The following TTN variants were observed in gnomAD, a reference collection of about 807,000 sequenced individuals.
TTN encodes titin.
A neutral mutation model predicts 3,223.0 loss-of-function variants in TTN; 1,525 were observed. The observed-to-expected ratio is 0.47, with a 90% CI of 0.45 to 0.49. The LOEUF (loss-of-function observed/expected upper bound fraction) is 0.49, where lower values mean the gene tolerates loss of function less well. Among genes scored for constraint, TTN ranks in the 20% least tolerant of loss-of-function variants. The probability of loss-of-function intolerance (pLI) is 0.00; values close to 1 mark genes in which losing one functional copy is unlikely to be tolerated. For missense variants in TTN, 40,786 were observed against 43,424.0 expected (o/e 0.94, Z 5.40); for synonymous variants, 14,094 against 15,161.0 (o/e 0.93, Z 5.17).
chr2:178,789,533 C>T (rs1278204894), intron 12 of TTN, 36 bp from the exon 13 acceptor site: 1 of 1,611,942 alleles, frequency 6.2e-7, no homozygotes, highest in Non-Finnish European at 8.5e-7. Context: ...TTAAGTTGAA[C>T]AGGGCTTCAA....
intron 47 of TTN, chr2:178,749,456 A>G: frequency 6.2e-7 from 1 of 1,612,898 alleles, no homozygotes; most frequent in Non-Finnish European, 8.5e-7. Flanking sequence ...TATTTGCTCA[A>G]TAGTCTCAAG....
Position 178,718,405 on chromosome 2 carries a change from G to A in TTN, c.24701C>T (p.Thr8234Ile), listed in dbSNP as rs369521909. The change falls in exon 85 of 363, where the codon ACA (threonine) becomes ATA (isoleucine). Residue 8234 changes from threonine (T) to isoleucine (I), a missense_variant. Thr to Ile is a moderately conservative substitution (Grantham distance 89). Coordinates refer to ENST00000589042, the MANE Select transcript of TTN (RefSeq NM_001267550.2). ...GCTGTACTGTGCATAATCCTCTATT[G>A]TGCTCTCAAGAATTTCCAGTATGGT... ...KSTILEILES[T>I]IEDYAQYSCL... 34 of 1,613,622 alleles carry A rather than the reference G, an allele frequency of 2.1e-5. No individual in the cohort carries two copies. Among genetic ancestry groups the A allele is most frequent in the Non-Finnish European group, 2.5e-5 (30 of 1,179,736 alleles).
rs775517267 is a variant in TTN, at chr2:178,636,129, C to T, written c.41442G>A (p.Lys13814=). ...GTTTCTCCACCACAATCTTGCCATCCTTCCTCCAGACCACGTCACGCTCTT... is the reference window on the plus strand; with the variant it reads ...GTTTCTCCACCACAATCTTGCCATCTTTCCTCCAGACCACGTCACGCTCTT... ...LNKERDVVWR[K]DGKIVVEKPG... The change falls in exon 226 of 363, where the codon AAG becomes AAA. Residue 13814 remains lysine, a synonymous_variant. Coordinates refer to ENST00000589042, the MANE Select transcript of TTN (RefSeq NM_001267550.2). The surrounding 1 kb of genome is among the most constrained non-coding windows in gnomAD (Gnocchi z 4.3). 4 of 1,613,188 alleles carry T rather than the reference C, an allele frequency of 2.5e-6. No individual in the cohort carries two copies. The highest frequency in any genetic ancestry group is 3.4e-6 in the Non-Finnish European group (4 of 1,179,518).
At chr2:178,792,040 A>T in intron 10 of TTN, 32 bp downstream of exon 10, 1 of 1,607,834 alleles carries the variant, frequency 6.2e-7, no homozygotes, top group African/African-American at 1.3e-5. Context: ...TATTGTCAAC[A>T]AACTACAAAA....
rs1215707268 is a variant in TTN, at chr2:178,715,614, G to A, written c.25800C>T (p.Phe8600=). ...TTTCCAGCACAGCCACCGAGTCAAC[G>A]AATGACATTCTGAATTTACTGCTCT... The part of the protein sequence containing the change: ...IQESSKFRMS[F]VDSVAVLEMH... The change falls in exon 89 of 363, where the codon TTC becomes TTT. Residue 8600 remains phenylalanine (F), a synonymous_variant. Coordinates refer to ENST00000589042, the MANE Select transcript of TTN (RefSeq NM_001267550.2). The A allele has an allele frequency of 5.0e-6, 8 of 1,613,382 alleles. No homozygotes were observed. Among genetic ancestry groups the A allele is most frequent in the African/African-American group, 4.0e-5 (3 of 74,866 alleles).
intron 43 of TTN, 39 bp from the exon 44 acceptor site, chr2:178,759,211 AT>A (rs1561116400): frequency 1.7e-5 from 28 of 1,609,044 alleles, no homozygotes; most frequent in Non-Finnish European, 2.3e-5. Flanking sequence ...AACCACAAAA[AT>A]GAGTGGATTT....
At chr2:178,713,631 A>G (rs926120109) in intron 92 of TTN, 7 of 696,682 alleles carry the variant, frequency 1.0e-5, no homozygotes, top group Middle Eastern at 4.1e-4. Flanking sequence ...GAATTATTTC[A>G]GCATAAATGA....
In TTN at chr2:178,591,817, G is replaced by A. The variant is rs727505345; in HGVS notation, c.60002C>T (p.Pro20001Leu). 25 of 1,613,108 alleles carry A rather than the reference G, an allele frequency of 1.5e-5. No individual in the cohort carries two copies. Among genetic ancestry groups the A allele is most frequent in the African/African-American group, 5.3e-5 (4 of 74,874 alleles). ...KTEVSLVWNK[P>L]DRDGGSPITG... ...GATTGGAGAACCACCATCACGATCC[G>A]GCTTATTCCAGACTAGGGAGACTTC... is the stretch of plus-strand genomic sequence containing the variant. The change falls in exon 303 of 363, where the codon CCG (proline) becomes CTG (leucine). Residue 20001 changes from proline (P) to leucine (L), a missense_variant. Pro to Leu is a moderately conservative substitution (Grantham distance 98, BLOSUM62 -3). Transcript: ENST00000589042.
At position 178,775,693 on chromosome 2, in the gene TTN, G is replaced by A. The variant is rs1574649278; in HGVS notation, c.6171C>T (p.Gly2057=). The A allele has an allele frequency of 6.2e-7, 1 of 1,614,110 alleles. No homozygotes were observed. The highest frequency in any genetic ancestry group is 8.5e-7 in the Non-Finnish European group (1 of 1,180,004). The change falls in exon 28 of 363, where the codon GGC becomes GGT. Residue 2057 remains glycine, a synonymous_variant. Coordinates refer to ENST00000589042, the MANE Select transcript of TTN (RefSeq NM_001267550.2). ...EEEKKALAEE[G]KITIPTFKPD... ...GTTTAAAAGTTGGAATCGTGATTTT[G>A]CCTTCTTCGGCAAGAGCTTTCTTTT...
Position 178,551,215 on chromosome 2 carries a change from A to C in TTN, c.91316T>G (p.Ile30439Ser), listed in dbSNP as rs561319486. Residue 30439 changes from isoleucine (I) to serine (S), a missense_variant, in exon 336 of 363, where the codon ATC (isoleucine) becomes AGC (serine). Ile to Ser is a moderately radical substitution (Grantham distance 142). Transcript: ENST00000589042. Reference sequence around the variant, plus strand: ...CAATGGTGGGTTCCATTTAAGTGTGATGGTTTCCCGGGTGACATCAATGTA... The same window carrying C: ...CAATGGTGGGTTCCATTTAAGTGTGCTGGTTTCCCGGGTGACATCAATGTA... ...PDYIDVTRET[I>S]TLKWNPPLRD... The C allele has an allele frequency of 1.2e-6, 2 of 1,613,432 alleles. No individual in the cohort carries two copies. Among genetic ancestry groups the C allele is most frequent in the Non-Finnish European group, 1.7e-6 (2 of 1,179,652 alleles).
intron 307 of TTN, 91 bp from the exon 308 acceptor site, chr2:178,586,898 T>C: frequency 6.6e-7 from 1 of 1,511,294 alleles, no homozygotes; most frequent in Non-Finnish European, 9.0e-7. Flanking sequence ...ATGGATTTGC[T>C]CCAATGTACA....
chr2:178,537,886 C>T lies in TTN; in HGVS notation c.99321G>A (p.Met33107Ile). 6.2e-7 allele frequency: 1 copy of T among 1,612,294 alleles called. No homozygotes were observed. The highest frequency in any genetic ancestry group is 8.5e-7 in the Non-Finnish European group (1 of 1,178,836). ...CACCCAATTTTGTGGTAACATCCTT[C>T]ATTTCTTTGCGTATTCCTGGGGCCT... ...SGEAPGIRKEMKDVTTKLGEA... is the reference protein window; with the variant it reads ...SGEAPGIRKEIKDVTTKLGEA... Residue 33107 changes from methionine (M) to isoleucine (I), a missense_variant, in exon 355 of 363, where the codon ATG becomes ATA. Coordinates refer to ENST00000589042, the MANE Select transcript of TTN (RefSeq NM_001267550.2).
In TTN at chr2:178,528,941, T is replaced by A; in HGVS notation, c.106810A>T (p.Arg35604Ter). Residue 35604 changes from arginine to a stop codon, truncating the protein, a stop_gained, in exon 360 of 363, where the codon AGA (arginine) becomes TGA (stop). Coordinates refer to ENST00000589042, the MANE Select transcript of TTN (RefSeq NM_001267550.2). LOFTEE classifies it high-confidence loss of function. ...AATGCTTTAATCTCAGCATGAGTTC[T>A]GACTTCTTCTGATGCCTGTGATGTT... is the stretch of plus-strand genomic sequence containing the variant. ...TKTSQASEEV[R>*]THAEIKAFST... 1 of 1,614,046 alleles carries A rather than the reference T, an allele frequency of 6.2e-7. No homozygotes were observed.
At chr2:178,696,313 C>T in intron 113 of TTN, 44 bp from the exon 114 acceptor site, 2 of 1,421,758 alleles carry the variant, frequency 1.4e-6, no homozygotes, top group Non-Finnish European at 1.8e-6. Flanking sequence ...TTCTATCCAT[C>T]CAACTGCTTC....
chr2:178,565,185 C>T lies in TTN; in HGVS notation c.80947G>A (p.Asp26983Asn). 1 of 1,613,526 alleles carries T rather than the reference C, an allele frequency of 6.2e-7. No homozygotes were observed. The highest frequency in any genetic ancestry group is 2.2e-5 in the East Asian group (1 of 44,816). The change falls in exon 326 of 363, where the codon GAT becomes AAT. Residue 26983 changes from aspartate to asparagine, a missense_variant. Transcript: ENST00000589042. ...ACTACAAAGTCTGCACTAACTTCAT[C>T]AAACCGAACTGGGCCAACTGGAGGT... ...PGPPVGPVRF[D>N]EVSADFVVIS... is the part of the protein sequence containing the mutation.
In TTN at chr2:178,561,467, C is replaced by G; in HGVS notation, c.84665G>C (p.Gly28222Ala). Residue 28222 changes from glycine to alanine, a missense_variant, in exon 326 of 363, where the codon GGA (glycine) becomes GCA (alanine). Physicochemically the swap from Gly to Ala is moderately conservative, Grantham distance 60 (BLOSUM62 0). Coordinates refer to ENST00000589042, the MANE Select transcript of TTN (RefSeq NM_001267550.2). ...ATATACACGATACTCATACATCAGTCCTTCATCAAGGCCGGAGACTTTCAT... is the reference window on the plus strand; with the variant it reads ...ATATACACGATACTCATACATCAGTGCTTCATCAAGGCCGGAGACTTTCAT... The part of the protein sequence containing the change: ...TQMKVSGLDE[G>A]LMYEYRVYAE... The G allele has an allele frequency of 6.2e-7, 1 of 1,613,788 alleles. No homozygotes were observed. The highest frequency in any genetic ancestry group is 1.1e-5 in the South Asian group (1 of 91,078).
In TTN at chr2:178,618,667, T is replaced by C. The variant is rs2057772159; in HGVS notation, c.46883A>G (p.Lys15628Arg). 3 of 1,612,366 alleles carry C rather than the reference T, an allele frequency of 1.9e-6. No individual in the cohort carries two copies. The highest frequency in any genetic ancestry group is 1.3e-5 in the African/African-American group (1 of 74,936). The change falls in exon 251 of 363, where the codon AAG becomes AGG. Residue 15628 changes from lysine (K) to arginine (R), a missense_variant. By Grantham distance (26) the Lys-to-Arg change is conservative. Coordinates refer to ENST00000589042, the MANE Select transcript of TTN (RefSeq NM_001267550.2). ...TTTATACCTCCCTTTGTCTCCTTTC[T>C]TGGCTTCTAAAATTCTGAAAGAAGT... ...EQTSFRILEA[K>R]KGDKGRYKIV...
Position 178,570,676 on chromosome 2 carries a change from A to C in TTN, c.75456T>G (p.Leu25152=). The change falls in exon 326 of 363, where the codon CTT becomes CTG. Residue 25152 remains leucine (L), a synonymous_variant. Transcript: ENST00000589042. ...TTATTTCTAATCGAGCTGTGTTTGA[A>C]AGCTCCTGATCACCTTTTATCCACT... The part of the protein sequence containing the change: ...TIQWIKGDQE[L]SNTARLEIKS... 1 of 1,613,460 alleles carries C rather than the reference A, an allele frequency of 6.2e-7. No individual in the cohort carries two copies.
chr2:178,644,430 A>T, intron 218 of TTN, 118 bp downstream of exon 218: 1 of 726,516 alleles, frequency 1.4e-6, no homozygotes, highest in Non-Finnish European at 2.1e-6. Context: ...TAAGAAATGA[A>T]TGGGACTACT....
Sources: gnomAD v4.1 joint callset for allele counts on GRCh38, gnomAD v4.1.1 for gene constraint, Gnocchi (gnomAD v3.1) non-coding constraint, MANE v1.5 for transcripts, NCBI Gene and HGNC (gene_info 2026-07-23, HGNC 2026-07-21) for gene names.